BRD10: variants seen among roughly 807,000 people sequenced by gnomAD.
BRD10 encodes bromodomain containing 10.
At chr9:5,953,439 C>T in the BRD10 span, among the ~76,000 whole-genome samples, 10 of 152,022 alleles carry the variant, frequency 6.6e-5, no homozygotes, top group Non-Finnish European at 1.0e-4. Context: ...TATGGCAGTA[C>T]AGATAATTAC....
the BRD10 span, among the ~76,000 whole-genome samples, chr9:5,991,432 G>C: frequency 1.3e-5 from 2 of 151,986 alleles, no homozygotes; most frequent in African/African-American, 4.8e-5. Flanking sequence ...CTTTTAAAAA[G>C]CAAACCAGGG....
chr9:5,988,202 C>T, the BRD10 span: 1 of 623,308 alleles, frequency 1.6e-6, no homozygotes, highest in East Asian at 2.8e-5. Flanking sequence ...ACATTTTAAA[C>T]AAATTTTATT....
At chr9:5,880,703 C>CT in the BRD10 span, among the ~76,000 whole-genome samples, 22,937 of 138,654 alleles carry the variant, frequency 0.17, 2,036 homozygotes, top group Non-Finnish European at 0.19. Context: ...TCCAACATTA[C>CT]TTTTTTTTTT....
the BRD10 span, among the ~76,000 whole-genome samples, chr9:5,993,300 G>C: frequency 2.3e-5 from 3 of 133,128 alleles, no homozygotes; most frequent in African/African-American, 8.7e-5. Flanking sequence ...GGGTGACAGA[G>C]TGAGACTCCA....
the BRD10 span, among the ~76,000 whole-genome samples, chr9:5,896,233 T>C: frequency 6.6e-6 from 1 of 152,148 alleles, no homozygotes; most frequent in Non-Finnish European, 1.5e-5. Context: ...CCGAGGACTG[T>C]GGTTAGGATG....
the BRD10 span, among the ~76,000 whole-genome samples, chr9:5,918,580 A>G: frequency 6.6e-6 from 1 of 151,646 alleles, no homozygotes; most frequent in East Asian, 1.9e-4. Context: ...ATGGTGGCCC[A>G]TGCCCGTAGT....
the BRD10 span, among the ~76,000 whole-genome samples, chr9:5,960,351 C>G: frequency 4.6e-5 from 7 of 152,106 alleles, no homozygotes; most frequent in Non-Finnish European, 1.5e-5. Context: ...CACCTGAGGT[C>G]AGGAGTTCGA....
the BRD10 span, chr9:5,921,701 A>T: frequency 3.1e-6 from 5 of 1,613,494 alleles, no homozygotes; most frequent in Non-Finnish European, 3.4e-6. Flanking sequence ...AGTATGAATA[A>T]TATTTGCATT....
the BRD10 span, among the ~76,000 whole-genome samples, chr9:5,902,339 G>A: frequency 1.3e-5 from 2 of 152,106 alleles, no homozygotes; most frequent in East Asian, 3.9e-4. Flanking sequence ...TATTATTTCT[G>A]ATAATAGTAG....
the BRD10 span, among the ~76,000 whole-genome samples, chr9:5,949,652 T>C: frequency 6.6e-6 from 1 of 152,288 alleles, no homozygotes; most frequent in East Asian, 1.9e-4. Context: ...TGGAAGATTT[T>C]TTTTTGGTTA....
chr9:6,007,354 T>C, the BRD10 span: 2 of 1,613,434 alleles, frequency 1.2e-6, no homozygotes, highest in Non-Finnish European at 1.7e-6. Flanking sequence ...GCTGGCGAAC[T>C]TCTCTTCCAT....
chr9:5,981,410 C>T, the BRD10 span, among the ~76,000 whole-genome samples: 1 of 152,144 alleles, frequency 6.6e-6, no homozygotes, highest in African/African-American at 2.4e-5. Context: ...AAAATAAACC[C>T]TCTTTGAAAT....
chr9:5,897,879 A>C, the BRD10 span, among the ~76,000 whole-genome samples: 1 of 152,236 alleles, frequency 6.6e-6, no homozygotes, highest in South Asian at 2.1e-4. Flanking sequence ...GTCTGTGATT[A>C]TAACATAATA....
the BRD10 span, among the ~76,000 whole-genome samples, chr9:5,997,277 T>C: frequency 3.0e-3 from 451 of 152,324 alleles, 1 homozygote; most frequent in Non-Finnish European, 5.3e-3. Flanking sequence ...ACTTCATGAA[T>C]GAGAAGAATA....
the BRD10 span, among the ~76,000 whole-genome samples, chr9:5,995,008 TC>T: frequency 7.2e-5 from 11 of 151,996 alleles, no homozygotes; most frequent in Admixed American, 7.2e-4. Flanking sequence ...CAAGCAATTC[TC>T]CTGCCTCAGC....
At chr9:5,983,948 A>G in the BRD10 span, among the ~76,000 whole-genome samples, 1 of 146,022 alleles carries the variant, frequency 6.8e-6, no homozygotes, top group East Asian at 2.0e-4. Context: ...ACAGAGTCAT[A>G]TATGTATATG....
the BRD10 span, among the ~76,000 whole-genome samples, chr9:5,905,562 T>G: frequency 6.6e-6 from 1 of 152,244 alleles, no homozygotes; most frequent in Non-Finnish European, 1.5e-5. Flanking sequence ...GACTCTGGTA[T>G]AGCATCACAT....
the BRD10 span, among the ~76,000 whole-genome samples, chr9:6,006,932 T>C: frequency 6.6e-6 from 1 of 152,200 alleles, no homozygotes; most frequent in Non-Finnish European, 1.5e-5. Flanking sequence ...ACCCATTCCA[T>C]TTTACATCTG....
the BRD10 span, among the ~76,000 whole-genome samples, chr9:5,913,550 A>G: frequency 3.7e-4 from 57 of 152,308 alleles, 1 homozygote; most frequent in African/African-American, 1.3e-3. Context: ...GAAACGGAGG[A>G]AAAAAATGCT....
Sources: gnomAD v4.1 joint callset for allele counts (sites outside exome capture counted in the v4.1 genomes callset) on GRCh38, gnomAD v4.1.1 for gene constraint, MANE v1.5 for transcripts, NCBI Gene and HGNC (gene_info 2026-07-23, HGNC 2026-07-21) for gene names.